CCDC180: variants seen among roughly 807,000 people sequenced by gnomAD.
CCDC180 encodes the protein coiled-coil domain-containing protein 180.
A neutral mutation model predicts 209.2 loss-of-function variants in CCDC180; 154 were observed. The observed-to-expected ratio is 0.74, with a 90% CI of 0.65 to 0.84. The LOEUF is 0.84. CCDC180 is among the 40% of genes least tolerant of loss of function. The probability of loss-of-function intolerance (pLI) is 0.00; values close to 1 mark genes in which losing one functional copy is unlikely to be tolerated. For synonymous variants in CCDC180, 778 were observed against 749.1 expected (o/e 1.04, Z -0.63); for missense variants, 1,874 against 1,997.3 (o/e 0.94, Z 1.18).
intron 3 of CCDC180, among the ~76,000 whole-genome samples, chr9:97,310,028 C>G (rs975503164): frequency 2.6e-5 from 4 of 152,198 alleles, no homozygotes; most frequent in Non-Finnish European, 5.9e-5. Flanking sequence ...TCTTGGCCCC[C>G]TCCTGAAGGC....
intron 13 of CCDC180, 117 bp downstream of exon 13, chr9:97,324,020 C>A: frequency 8.1e-7 from 1 of 1,240,996 alleles, no homozygotes; most frequent in Non-Finnish European, 1.1e-6. Context: ...TGTGTCCGCT[C>A]ACCCTTGTCA....
intron 22 of CCDC180, among the ~76,000 whole-genome samples, chr9:97,353,314 G>C (rs1282623098): frequency 6.6e-6 from 1 of 152,070 alleles, no homozygotes; most frequent in Non-Finnish European, 1.5e-5. Flanking sequence ...AATTATATTT[G>C]ATACTTTTTC....
At chr9:97,343,237 C>T in intron 18 of CCDC180, 103 bp from the exon 19 acceptor site, 4 of 692,086 alleles carry the variant, frequency 5.8e-6, no homozygotes, top group Non-Finnish European at 9.6e-6. Context: ...ATAATCTTGG[C>T]CCAAAATTTG....
intron 25 of CCDC180, among the ~76,000 whole-genome samples, chr9:97,359,528 C>T (rs930684625): frequency 2.6e-5 from 4 of 152,234 alleles, no homozygotes; most frequent in South Asian, 2.1e-4. Context: ...CGAGAGGGTG[C>T]GTGTTAGACA....
chr9:97,349,273 A>G lies in CCDC180; in HGVS notation c.2837A>G (p.Asn946Ser). Residue 946 changes from asparagine to serine, a missense_variant, in exon 21 of 37, where the codon AAT becomes AGT. Asn to Ser is a conservative substitution (Grantham distance 46). Coordinates refer to ENST00000529487, the MANE Select transcript of CCDC180 (RefSeq NM_020893.6). The stretch of plus-strand genomic sequence containing the variant: ...TATGACATGGAGCACATCTTCTTGA[A>G]TGCCACCAGGAGCCAAAAGTAAGGG... ...KIYDMEHIFL[N>S]ATRSQKLVTL... The G allele has an allele frequency of 8.5e-6, 13 of 1,536,594 alleles. No individual in the cohort carries two copies. Among genetic ancestry groups the G allele is most frequent in the Non-Finnish European group, 1.1e-5 (13 of 1,147,008 alleles).
chr9:97,375,383 A>G (rs993455007), intron 35 of CCDC180, 71 bp from the exon 36 acceptor site: 1 of 1,585,816 alleles, frequency 6.3e-7, no homozygotes. Context: ...AAGCTTTTCC[A>G]ACAGGGTTGG....
At chr9:97,314,829 T>A in intron 7 of CCDC180, 22 bp from the exon 8 acceptor site, 1 of 1,604,544 alleles carries the variant, frequency 6.2e-7, no homozygotes, top group South Asian at 1.1e-5. Context: ...AGCCACTAAG[T>A]ATGGTGCCTT....
chr9:97,345,553 G>T (rs896514352), intron 19 of CCDC180: 1 of 407,334 alleles, frequency 2.5e-6, no homozygotes, highest in Non-Finnish European at 4.7e-6. Flanking sequence ...TTTTCTGGTC[G>T]ATTTTCTGTC....
Position 97,375,515 on chromosome 9 carries a change from A to T in CCDC180, c.4768A>T (p.Thr1590Ser). 1.2e-6 allele frequency: 2 copies of T among 1,614,222 alleles called. No homozygotes were observed. The highest frequency in any genetic ancestry group is 1.7e-6 in the Non-Finnish European group (2 of 1,180,044). Residue 1590 changes from threonine to serine, a missense_variant, in exon 36 of 37, where the codon ACA becomes TCA. By Grantham distance (58) the Thr-to-Ser change is moderately conservative. Coordinates refer to ENST00000529487, the MANE Select transcript of CCDC180 (RefSeq NM_020893.6). ...TIQNKILLQPTSSISTTKTTL... is the reference protein window; with the variant it reads ...TIQNKILLQPSSSISTTKTTL... The stretch of plus-strand genomic sequence containing the variant: ...CCAAAACAAGATTCTTCTCCAGCCA[A>T]CATCATCGATTTCCACCACCAAAAC...
intron 14 of CCDC180, 53 bp downstream of exon 14, chr9:97,325,245 C>A: frequency 6.6e-7 from 1 of 1,520,728 alleles, no homozygotes; most frequent in South Asian, 1.2e-5. Flanking sequence ...GCAATGAACT[C>A]AAACAGATCC....
intron 31 of CCDC180, among the ~76,000 whole-genome samples, chr9:97,367,295 T>A (rs545985262): frequency 6.6e-6 from 1 of 152,294 alleles, no homozygotes; most frequent in South Asian, 2.1e-4. Flanking sequence ...AATATTCCAT[T>A]GTATGAATCT....
At chr9:97,334,499 G>T (rs1903633) in intron 18 of CCDC180, among the ~76,000 whole-genome samples, 1 of 152,184 alleles carries the variant, frequency 6.6e-6, no homozygotes, top group East Asian at 1.9e-4. Context: ...CAGGATCCAT[G>T]TTCTTCTTTG....
At position 97,370,777 on chromosome 9, in the gene CCDC180, A is replaced by G. The variant is rs1168395346; in HGVS notation, c.4487A>G (p.Glu1496Gly). The change falls in exon 33 of 37, where the codon GAG (glutamate) becomes GGG (glycine). Residue 1496 changes from glutamate to glycine, a missense_variant and splice_region_variant. Coordinates refer to ENST00000529487, the MANE Select transcript of CCDC180 (RefSeq NM_020893.6). ...ATTAGGATGAACAAGGAGAAGCTGG[A>G]GGTCAGTGATACCATTGATTCGCCA... Reference protein sequence around the residue: ...SMIRMNKEKLEECTRRNGQVF... With the variant: ...SMIRMNKEKLGECTRRNGQVF... 6.2e-7 allele frequency: 1 copy of G among 1,613,622 alleles called. No homozygotes were observed. The highest frequency in any genetic ancestry group is 1.1e-5 in the South Asian group (1 of 91,028).
chr9:97,328,598 T>A (rs2118671661), intron 16 of CCDC180, among the ~76,000 whole-genome samples: 1 of 152,208 alleles, frequency 6.6e-6, no homozygotes, highest in South Asian at 2.1e-4. Flanking sequence ...CTCATCCCTC[T>A]TCTGGCATGT....
At chr9:97,330,083 AAAAAAAGGT>A in intron 16 of CCDC180, 62 bp from the exon 17 acceptor site, 1 of 1,235,164 alleles carries the variant, frequency 8.1e-7, no homozygotes, top group Admixed American at 2.2e-5. Context: ...AAAAAAAAAA[AAAAAAAGGT>A]GGGGGGCACT....
Position 97,313,234 on chromosome 9 carries a change from A to G in CCDC180, c.350-2A>G. 2 of 1,604,888 alleles carry G rather than the reference A, an allele frequency of 1.2e-6. No homozygotes were observed. Among genetic ancestry groups the G allele is most frequent in the Non-Finnish European group, 1.7e-6 (2 of 1,173,042 alleles). On this transcript the variant is annotated splice_acceptor_variant, in intron 4 of 36. Transcript: ENST00000529487. LOFTEE classifies it high-confidence loss of function. ...CTCATCACCTCTGTTGTTGCTCCGCAGTTCCTGAGAAGATAAGCACCAGCA... is the reference window on the plus strand; with the variant it reads ...CTCATCACCTCTGTTGTTGCTCCGCGGTTCCTGAGAAGATAAGCACCAGCA...
Position 97,326,538 on chromosome 9 carries a change from TGG to T in CCDC180, c.1546-12_1546-11del. 2.0e-6 allele frequency: 3 copies of T among 1,489,252 alleles called. No homozygotes were observed. The highest frequency in any genetic ancestry group is 1.9e-6 in the Non-Finnish European group (2 of 1,066,324). 92.3% of individuals were successfully genotyped at this position (1,489,252 alleles called of 1,614,324 possible). A position where few individuals can be genotyped will look rare whatever the true frequency, so the allele number is the denominator to read the frequency against. ...AGGTCACATCTGCTTCCTCTTGTTT[TGG>T]GGGTGGCTTCCAGGTGCAGGAGGCC... is the stretch of plus-strand genomic sequence containing the variant. On this transcript the variant is annotated splice_polypyrimidine_tract_variant and intron_variant, in intron 14 of 36. Transcript: ENST00000529487.
At chr9:97,364,865 A>C (rs144633894) in intron 29 of CCDC180, among the ~76,000 whole-genome samples, 1 of 152,216 alleles carries the variant, frequency 6.6e-6, no homozygotes, top group South Asian at 2.1e-4. Flanking sequence ...AGGAGTAATC[A>C]TTCTTTCAGC....
rs1283662387 is a variant in CCDC180 at position 97,370,102 on chromosome 9, C to G, written c.4350+20C>G. On this transcript the variant is annotated intron_variant, in intron 32 of 36. Transcript: ENST00000529487. ...AGAAAGGTGAGGGCCCCAGGACCAG[C>G]CCTTCCACTCTAGGACCAGGGGAAC... 6.2e-7 allele frequency: 1 copy of G among 1,610,568 alleles called. No individual in the cohort carries two copies. Among genetic ancestry groups the G allele is most frequent in the Admixed American group, 1.7e-5 (1 of 59,616 alleles).
Sources: allele counts gnomAD v4.1 joint callset (sites outside exome capture counted in the v4.1 genomes callset), GRCh38; gene constraint gnomAD v4.1.1; transcripts MANE v1.5; gene names NCBI Gene and HGNC (gene_info 2026-07-23, HGNC 2026-07-21).